Variants in TTF2 observed in about 807,000 individuals in gnomAD.
TTF2 encodes the protein transcription termination factor 2.
In TTF2, 108 loss-of-function variants were observed where a neutral mutation model predicts 142.4. The ratio of observed to expected loss-of-function variants is 0.76; its 90% CI spans 0.65 to 0.89. The LOEUF (loss-of-function observed/expected upper bound fraction) is 0.89, where lower values mean the gene tolerates loss of function less well. Ranked by LOEUF, TTF2 falls within the 40% of genes least tolerant of loss-of-function variation. The pLI is 0.00. For synonymous variants in TTF2, 483 were observed against 506.2 expected (o/e 0.95, Z 0.61); for missense variants, 1,327 against 1,379.8 (o/e 0.96, Z 0.61).
rs1045145596 is a variant in TTF2, at chr1:117,087,366, A to G, written c.2160+844A>G. Among the ~76,000 whole-genome samples the G allele has an allele frequency of 1.3e-5, 2 of 152,150 alleles. No homozygotes were observed. The highest frequency in any genetic ancestry group is 4.8e-5 in the African/African-American group (2 of 41,432). The stretch of plus-strand genomic sequence containing the variant: ...GGAGTGCATGGTGCGATCTTGGCTC[A>G]CTGCAACCTCTGCATCCCGGGTTCA... On this transcript the variant is annotated intron_variant, in intron 12 of 22. Transcript: ENST00000369466. This position sits in a 1 kb window ranked among gnomAD's most constrained non-coding sequence, Gnocchi z 4.8.
Position 117,101,235 on chromosome 1 carries a change from C to T in TTF2, c.3345-145C>T. On this transcript the variant is annotated intron_variant, in intron 22 of 22. Coordinates refer to ENST00000369466, the MANE Select transcript of TTF2 (RefSeq NM_003594.4). The surrounding 1 kb of genome is among the most constrained non-coding windows in gnomAD (Gnocchi z 5.9). ...TCTAGTCAAGGTTGTTTGGATTCCT[C>T]AGACAGGGTTCTTAACTGGACCTAA... 1 of 776,626 alleles carries T rather than the reference C, an allele frequency of 1.3e-6. No homozygotes were observed. The highest frequency in any genetic ancestry group is 1.9e-6 in the Non-Finnish European group (1 of 519,788). The allele number at this position is 776,626 out of a possible 1,614,324, so 48.1% of individuals were successfully genotyped here. A position where few individuals can be genotyped will look rare whatever the true frequency, so the allele number is the denominator to read the frequency against.
rs1293836477 is a variant in TTF2, at chr1:117,062,414, T to C, written c.159T>C (p.His53=). Residue 53 remains histidine, a synonymous_variant, in exon 3 of 23, where the codon CAT becomes CAC. Transcript: ENST00000369466. ...TDIPVSHCLL[H]EDFVVELQGL... is the part of the protein sequence containing the mutation. The stretch of plus-strand genomic sequence containing the variant: ...TTCCTGTTTCCCATTGCTTATTGCA[T>C]GAGGACTTTGTGGTAGAGCTTCAGG... 6.2e-7 allele frequency: 1 copy of C among 1,614,012 alleles called. No individual in the cohort carries two copies. Among genetic ancestry groups the C allele is most frequent in the South Asian group, 1.1e-5 (1 of 91,062 alleles).
chr1:117,087,648 A>G lies in TTF2; in HGVS notation c.2160+1126A>G, dbSNP rs998269859. 2.6e-5 allele frequency among the ~76,000 whole-genome samples: 4 copies of G among 151,890 alleles called. No homozygotes were observed. The highest frequency in any genetic ancestry group is 5.9e-5 in the Non-Finnish European group (4 of 67,958). On this transcript the variant is annotated intron_variant, in intron 12 of 22. Transcript: ENST00000369466. The surrounding 1 kb of genome is among the most constrained non-coding windows in gnomAD (Gnocchi z 4.8). ...TGTATGTCGCTCATCTCTTGATGAC[A>G]CCCTGCCCCTCCCTGGGGCACCTCT...
chr1:117,062,579 T>G, intron 3 of TTF2, 106 bp downstream of exon 3: 4 of 1,085,684 alleles, frequency 3.7e-6, no homozygotes, highest in Non-Finnish European at 5.2e-6. Context: ...AAAGTCATTT[T>G]AAAAAACAAA....
chr1:117,068,543 T>TAAA (rs200495319), intron 3 of TTF2, among the ~76,000 whole-genome samples: 403 of 114,670 alleles, frequency 3.5e-3, no homozygotes, highest in African/African-American at 0.012. Flanking sequence ...TAAAGTGTAA[T>TAAA]AAAAAAAAAA....
chr1:117,095,794 T>C (rs1192163753), intron 19 of TTF2, among the ~76,000 whole-genome samples: 2 of 152,208 alleles, frequency 1.3e-5, no homozygotes, highest in African/African-American at 4.8e-5. Context: ...AGCCTGTTGT[T>C]CTGGCTGGCA....
At position 117,073,586 on chromosome 1, in the gene TTF2, G is replaced by C; in HGVS notation, c.219-75G>C. ...TCAAATAGTTGCAAGATGTTTTCTT[G>C]GATTAAAAATAAGCTTATCTCTTGT... On this transcript the variant is annotated intron_variant, in intron 3 of 22. Transcript: ENST00000369466. This position sits in a 1 kb window ranked among gnomAD's most constrained non-coding sequence, Gnocchi z 4.4. 7.1e-7 allele frequency: 1 copy of C among 1,411,948 alleles called. No individual in the cohort carries two copies. The highest frequency in any genetic ancestry group is 9.6e-7 in the Non-Finnish European group (1 of 1,036,744). 87.5% of individuals were successfully genotyped at this position (1,411,948 alleles called of 1,614,324 possible).
In TTF2 at chr1:117,073,697, G is replaced by T. The variant is rs1197606958; in HGVS notation, c.255G>T (p.Gly85=). 10 of 1,612,560 alleles carry T rather than the reference G, an allele frequency of 6.2e-6. No homozygotes were observed. The highest frequency in any genetic ancestry group is 3.3e-4 in the Middle Eastern group (2 of 6,044). ...FFRCIRSKAE[G]KRWCGSIPWQ... is the part of the protein sequence containing the mutation. ...GATGCATTAGAAGTAAGGCAGAGGG[G>T]AAACGCTGGTGTGGAAGTATTCCAT... Residue 85 remains glycine, a synonymous_variant, in exon 4 of 23, where the codon GGG becomes GGT. Transcript: ENST00000369466. The surrounding 1 kb of genome is among the most constrained non-coding windows in gnomAD (Gnocchi z 4.4).
Position 117,096,286 on chromosome 1 carries a change from C to G in TTF2, c.3173C>G (p.Ser1058Cys). 2 of 1,614,054 alleles carry G rather than the reference C, an allele frequency of 1.2e-6. No homozygotes were observed. Among genetic ancestry groups the G allele is most frequent in the Non-Finnish European group, 1.7e-6 (2 of 1,180,000 alleles). ...GACTTGGTAGAGGCATTTAACCACTCCAGAGGCCCTCAGGTACAAGCTGGT... is the reference window on the plus strand; with the variant it reads ...GACTTGGTAGAGGCATTTAACCACTGCAGAGGCCCTCAGGTACAAGCTGGT... ...RMDLVEAFNH[S>C]RGPQVMLISL... Residue 1058 changes from serine (S) to cysteine (C), a missense_variant, in exon 20 of 23, where the codon TCC (serine) becomes TGC (cysteine). Ser to Cys is a moderately radical substitution (Grantham distance 112). Coordinates refer to ENST00000369466, the MANE Select transcript of TTF2 (RefSeq NM_003594.4).
At chr1:117,060,775 C>G (rs1022418407) in intron 2 of TTF2, among the ~76,000 whole-genome samples, 1 of 152,224 alleles carries the variant, frequency 6.6e-6, no homozygotes, top group African/African-American at 2.4e-5. Context: ...GGTTACCCCC[C>G]TCTCTGGGCC....
chr1:117,068,972 G>A (rs1181792355), intron 3 of TTF2, among the ~76,000 whole-genome samples: 2 of 152,184 alleles, frequency 1.3e-5, no homozygotes, highest in Admixed American at 6.5e-5. Context: ...ATATGGTAGT[G>A]TAAACTTTTA....
rs745682538 is a variant in TTF2 at position 117,087,630 on chromosome 1, C to T, written c.2160+1108C>T. On this transcript the variant is annotated intron_variant, in intron 12 of 22. Transcript: ENST00000369466. This position sits in a 1 kb window ranked among gnomAD's most constrained non-coding sequence, Gnocchi z 4.8. ...TTATGATCTTGCCCTACCTGTATGT[C>T]GCTCATCTCTTGATGACACCCTGCC... 1.2e-4 allele frequency among the ~76,000 whole-genome samples: 18 copies of T among 152,110 alleles called. 1 individual carries two copies. Among genetic ancestry groups the T allele is most frequent in the Admixed American group, 1.3e-4 (2 of 15,278 alleles).
intron 13 of TTF2, among the ~76,000 whole-genome samples, 165 bp downstream of exon 13, chr1:117,089,147 T>C (rs903077574): frequency 2.0e-5 from 3 of 151,906 alleles, no homozygotes; most frequent in Admixed American, 6.6e-5. Context: ...TATGAGAAAA[T>C]AGCTGTTGAT....
intron 21 of TTF2, 26 bp from the exon 22 acceptor site, chr1:117,098,807 T>C (rs200161665): frequency 1.9e-5 from 30 of 1,608,392 alleles, no homozygotes; most frequent in Non-Finnish European, 2.5e-5. Context: ...TGTCAGTTCC[T>C]TTGAGCTTTA....
intron 22 of TTF2, 42 bp downstream of exon 22, chr1:117,098,949 T>C (rs1649377314): frequency 1.3e-6 from 2 of 1,547,064 alleles, no homozygotes; most frequent in Non-Finnish European, 1.8e-6. Flanking sequence ...TCTCAACTTG[T>C]ACTTTGTGAA....
At position 117,075,504 on chromosome 1, in the gene TTF2, G is replaced by A. The variant is rs1259170502; in HGVS notation, c.920G>A (p.Ser307Asn). The change falls in exon 5 of 23, where the codon AGC becomes AAC. Residue 307 changes from serine to asparagine, a missense_variant. Transcript: ENST00000369466. This position sits in a 1 kb window ranked among gnomAD's most constrained non-coding sequence, Gnocchi z 4.5. Reference sequence around the variant, plus strand: ...CCTAGCATACAGGCCACCCAGAAAAGCCTGCCTCAGGGGCATTTCCAAGAG... The same window carrying A: ...CCTAGCATACAGGCCACCCAGAAAAACCTGCCTCAGGGGCATTTCCAAGAG... The part of the protein sequence containing the change: ...DGPSIQATQK[S>N]LPQGHFQERP... 1.2e-6 allele frequency: 2 copies of A among 1,614,014 alleles called. No individual in the cohort carries two copies. The highest frequency in any genetic ancestry group is 2.2e-5 in the East Asian group (1 of 44,892).
At chr1:117,083,038 C>T (rs568595493) in intron 10 of TTF2, among the ~76,000 whole-genome samples, 6 of 151,798 alleles carry the variant, frequency 4.0e-5, no homozygotes, top group South Asian at 4.2e-4. Context: ...GTCAGGAGAC[C>T]GAGACCATCC....
Position 117,097,362 on chromosome 1 carries a change from C to T in TTF2, c.3198C>T (p.Ile1066=). The T allele has an allele frequency of 1.2e-6, 2 of 1,614,078 alleles. No individual in the cohort carries two copies. Among genetic ancestry groups the T allele is most frequent in the East Asian group, 2.2e-5 (1 of 44,886 alleles). ...GTTTCCTTTTGAAGGTAATGCTAAT[C>T]TCTCTCTTGGCCGGAGGTGTTGGTC... The part of the protein sequence containing the change: ...NHSRGPQVML[I]SLLAGGVGLN... The change falls in exon 21 of 23, where the codon ATC becomes ATT. Residue 1066 remains isoleucine, a synonymous_variant. Coordinates refer to ENST00000369466, the MANE Select transcript of TTF2 (RefSeq NM_003594.4). The surrounding 1 kb of genome is among the most constrained non-coding windows in gnomAD (Gnocchi z 4.1).
chr1:117,075,609 G>C lies in TTF2; in HGVS notation c.1025G>C (p.Gly342Ala). The part of the protein sequence containing the change: ...AAPAAPGLSL[G>A]EGREAATSSD... Reference sequence around the variant, plus strand: ...CCAGCAGCACCAGGGCTTTCCCTGGGTGAGGGCCGTGAAGCTGCCACAAGC... The same window carrying C: ...CCAGCAGCACCAGGGCTTTCCCTGGCTGAGGGCCGTGAAGCTGCCACAAGC... Residue 342 changes from glycine (G) to alanine (A), a missense_variant, in exon 5 of 23, where the codon GGT becomes GCT. Gly to Ala is a moderately conservative substitution (Grantham distance 60). Transcript: ENST00000369466. This position sits in a 1 kb window ranked among gnomAD's most constrained non-coding sequence, Gnocchi z 4.5. 6.2e-7 allele frequency: 1 copy of C among 1,614,176 alleles called. No homozygotes were observed. Among genetic ancestry groups the C allele is most frequent in the Non-Finnish European group, 8.5e-7 (1 of 1,180,026 alleles).
Sources: allele counts gnomAD v4.1 joint callset (sites outside exome capture counted in the v4.1 genomes callset), GRCh38; gene constraint gnomAD v4.1.1; non-coding constraint Gnocchi (gnomAD v3.1); transcripts MANE v1.5; gene names NCBI Gene and HGNC (gene_info 2026-07-23, HGNC 2026-07-21).